Variants in HMCN1 observed in about 807,000 individuals in gnomAD.
The protein encoded by HMCN1 is hemicentin 1.
A neutral mutation model predicts 625.9 loss-of-function variants in HMCN1; 321 were observed. That is an observed-to-expected ratio of 0.51 (90% CI 0.47 to 0.56). The LOEUF (loss-of-function observed/expected upper bound fraction) is 0.56, where lower values mean the gene tolerates loss of function less well. Among genes scored for constraint, HMCN1 ranks in the 20% least tolerant of loss-of-function variants. HMCN1 has a pLI of 0.00. For synonymous variants in HMCN1, 2,425 were observed against 2,417.6 expected (o/e 1.00, Z -0.09); for missense variants, 6,588 against 6,887.3 (o/e 0.96, Z 1.54).
At chr1:185,811,820 G>A (rs374997264) in intron 1 of HMCN1, among the ~76,000 whole-genome samples, 3 of 151,592 alleles carry the variant, frequency 2.0e-5, no homozygotes, top group African/African-American at 7.2e-5. Flanking sequence ...TGAACATATT[G>A]AACTAACCTA....
At chr1:185,883,446 A>C (rs558191282) in intron 4 of HMCN1, among the ~76,000 whole-genome samples, 3 of 152,024 alleles carry the variant, frequency 2.0e-5, no homozygotes, top group Admixed American at 1.3e-4. Context: ...TTGACAACTG[A>C]TTTGTTTTCC....
chr1:185,743,038 A>C (rs1301883517), intron 1 of HMCN1, among the ~76,000 whole-genome samples: 1 of 152,202 alleles, frequency 6.6e-6, no homozygotes, highest in Non-Finnish European at 1.5e-5. Flanking sequence ...ATAAATCAGA[A>C]TTTGACATTG....
intron 105 of HMCN1, among the ~76,000 whole-genome samples, chr1:186,184,340 A>G (rs1021943856): frequency 1.4e-4 from 22 of 152,230 alleles, no homozygotes; most frequent in African/African-American, 4.8e-4. Flanking sequence ...TTTTATTTGC[A>G]TATGATTTTT....
chr1:185,871,400 A>G (rs947954841), intron 4 of HMCN1, among the ~76,000 whole-genome samples: 1 of 152,274 alleles, frequency 6.6e-6, no homozygotes, highest in Middle Eastern at 3.4e-3. Context: ...GTGACCTCAG[A>G]TATTTTCTGT....
chr1:185,932,816 CT>C (rs1416284729), intron 10 of HMCN1, among the ~76,000 whole-genome samples: 7 of 152,064 alleles, frequency 4.6e-5, no homozygotes, highest in African/African-American at 9.7e-5. Flanking sequence ...CCTGTACGTT[CT>C]GCACAGGTAC....
chr1:185,924,178 C>T (rs1431479536), intron 8 of HMCN1, among the ~76,000 whole-genome samples: 1 of 125,486 alleles, frequency 8.0e-6, no homozygotes, highest in Non-Finnish European at 1.6e-5. Context: ...TGTACTTGAG[C>T]TATTTTTCAA....
intron 97 of HMCN1, among the ~76,000 whole-genome samples, chr1:186,162,416 C>T (rs146321900): frequency 0.036 from 5,508 of 152,292 alleles, 132 homozygotes; most frequent in South Asian, 0.086. Context: ...TCTCTCAACT[C>T]GTCAAAGTCA....
At position 186,174,555 on chromosome 1, in the gene HMCN1, A is replaced by G. The variant is rs1329795680; in HGVS notation, c.15856A>G (p.Asn5286Asp). The stretch of plus-strand genomic sequence containing the variant: ...AGATGGGACCCATCAGTGCAGATAT[A>G]ACCAGATATGTGAGAATACAAGAGG... ...CKDGTHQCRY[N>D]QICENTRGSY... Residue 5286 changes from asparagine to aspartate, a missense_variant, in exon 103 of 107, where the codon AAC (asparagine) becomes GAC (aspartate). By Grantham distance (23) the Asn-to-Asp change is conservative (BLOSUM62 1). Around this residue, in one of 3 missense-constraint regions of HMCN1, gnomAD observed 1,954 missense variants for 2,013.1 expected, o/e 0.97. Transcript: ENST00000271588. 6.2e-7 allele frequency: 1 copy of G among 1,613,712 alleles called. No individual in the cohort carries two copies. Among genetic ancestry groups the G allele is most frequent in the South Asian group, 1.1e-5 (1 of 91,082 alleles).
intron 38 of HMCN1, among the ~76,000 whole-genome samples, chr1:186,039,358 G>T (rs1038914376): frequency 6.6e-6 from 1 of 152,030 alleles, no homozygotes; most frequent in African/African-American, 2.4e-5. Context: ...CGAGTTGGTA[G>T]TTAACATACT....
chr1:185,924,911 TG>T, intron 8 of HMCN1, 135 bp from the exon 9 acceptor site: 1 of 815,382 alleles, frequency 1.2e-6, no homozygotes, highest in Non-Finnish European at 2.0e-6. Context: ...TTTAGTGATC[TG>T]GGTTAATTGG....
chr1:186,004,884 A>G (rs915072082), intron 29 of HMCN1, among the ~76,000 whole-genome samples: 2 of 152,132 alleles, frequency 1.3e-5, no homozygotes, highest in Non-Finnish European at 2.9e-5. Flanking sequence ...ATAGGTAGAT[A>G]CTTTACGGCA....
chr1:185,948,291 A>G (rs904031987), intron 11 of HMCN1, among the ~76,000 whole-genome samples: 7 of 152,184 alleles, frequency 4.6e-5, no homozygotes, highest in Middle Eastern at 3.2e-3. Flanking sequence ...ATGCGTGTCC[A>G]TGTGAACAGA....
intron 1 of HMCN1, among the ~76,000 whole-genome samples, chr1:185,812,314 C>G (rs1344529437): frequency 6.6e-6 from 1 of 151,860 alleles, no homozygotes; most frequent in Non-Finnish European, 1.5e-5. Context: ...ACATTCAAAT[C>G]AACGGAAAAT....
chr1:186,070,801 T>TA, intron 52 of HMCN1, 44 bp downstream of exon 52: 1 of 1,583,978 alleles, frequency 6.3e-7, no homozygotes, highest in Non-Finnish European at 8.7e-7. Flanking sequence ...TCTTAAAGAC[T>TA]AAAATGGTCA....
At position 186,087,574 on chromosome 1, in the gene HMCN1, C is replaced by A. The variant is rs1002862471; in HGVS notation, c.9292C>A (p.Arg3098=). The stretch of plus-strand genomic sequence containing the variant: ...AGTCATCACTTGGTATAAGAATGGG[C>A]GGATGATAACAGAGTCTACTCATGT... The part of the protein sequence containing the change: ...PPVITWYKNG[R]MITESTHVEI... The change falls in exon 60 of 107, where the codon CGG becomes AGG. Residue 3098 remains arginine, a synonymous_variant. Transcript: ENST00000271588. 1 of 1,613,084 alleles carries A rather than the reference C, an allele frequency of 6.2e-7. No homozygotes were observed. The highest frequency in any genetic ancestry group is 8.5e-7 in the Non-Finnish European group (1 of 1,179,410).
intron 4 of HMCN1, among the ~76,000 whole-genome samples, chr1:185,891,886 G>A (rs569470208): frequency 5.4e-5 from 8 of 147,880 alleles, no homozygotes; most frequent in Non-Finnish European, 8.8e-5. Context: ...AATTCTCCAG[G>A]ATAATACCCT....
intron 40 of HMCN1, among the ~76,000 whole-genome samples, chr1:186,042,951 A>T (rs935460711): frequency 1.3e-5 from 2 of 152,074 alleles, no homozygotes. Flanking sequence ...TCCTACAATT[A>T]TGAGTAGTTC....
intron 4 of HMCN1, among the ~76,000 whole-genome samples, chr1:185,894,121 C>T (rs564998702): frequency 6.6e-5 from 10 of 151,310 alleles, no homozygotes; most frequent in African/African-American, 1.7e-4. Context: ...GGCTACAGAG[C>T]GAGACTCCGT....
intron 22 of HMCN1, 90 bp downstream of exon 22, chr1:185,990,533 CA>C: frequency 9.3e-7 from 1 of 1,072,148 alleles, no homozygotes; most frequent in Non-Finnish European, 1.4e-6. Context: ...TCAAACGTCT[CA>C]AAAAATCACC....
Sources: allele counts gnomAD v4.1 joint callset (sites outside exome capture counted in the v4.1 genomes callset), GRCh38; gene constraint gnomAD v4.1.1; regional missense constraint gnomAD v4.1.1; transcripts MANE v1.5; gene names NCBI Gene and HGNC (gene_info 2026-07-23, HGNC 2026-07-21).